Variants in DPYD observed in about 807,000 individuals in gnomAD.
The protein encoded by DPYD is dihydropyrimidine dehydrogenase [NADP(+)].
In DPYD, 109 loss-of-function variants were observed where a neutral mutation model predicts 116.2. The observed-to-expected ratio is 0.94, with a 90% CI of 0.80 to 1.10. DPYD has a LOEUF of 1.10. DPYD is among the 50% of genes least tolerant of loss of function. The pLI is 0.00. For missense variants in DPYD, 1,302 were observed against 1,254.5 expected (o/e 1.04, Z -0.57); for synonymous variants, 440 against 432.0 (o/e 1.02, Z -0.23).
chr1:97,126,509 C>G (rs1156573405), intron 20 of DPYD, among the ~76,000 whole-genome samples: 2 of 152,044 alleles, frequency 1.3e-5, no homozygotes, highest in African/African-American at 2.4e-5. Context: ...GTCTCATATA[C>G]CCTTCCTCCA....
At chr1:97,693,305 AAAAAAAAAAAAACC>A (rs1250679334) in intron 6 of DPYD, among the ~76,000 whole-genome samples, 1,336 of 115,190 alleles carry the variant, frequency 0.012, 44 homozygotes, top group African/African-American at 0.032. Context: ...AAAAAAAAAA[AAAAAAAAAAAAACC>A]AAAAAAGAAA....
rs186692624 is a variant in DPYD at position 97,781,059 on chromosome 1, A to G, written c.234-40580T>C. Reference sequence around the variant, plus strand: ...GTTAATGGGGCAATCTGCTTGGAGCACACAGCCACAGAAAACCAAGAAAAC... The same window carrying G: ...GTTAATGGGGCAATCTGCTTGGAGCGCACAGCCACAGAAAACCAAGAAAAC... On this transcript the variant is annotated intron_variant, in intron 3 of 22. Coordinates refer to ENST00000370192, the MANE Select transcript of DPYD (RefSeq NM_000110.4). 1.0e-3 allele frequency among the ~76,000 whole-genome samples: 158 copies of G among 152,324 alleles called. 1 individual carries two copies. Among genetic ancestry groups the G allele is most frequent in the African/African-American group, 3.5e-3 (147 of 41,574 alleles).
At chr1:97,229,250 A>T (rs1458380122) in intron 19 of DPYD, among the ~76,000 whole-genome samples, 2 of 145,392 alleles carry the variant, frequency 1.4e-5, no homozygotes, top group East Asian at 2.0e-4. Context: ...ATGGGAAGTA[A>T]AAAAAAAAAA....
At chr1:97,342,754 G>A (rs968986165) in intron 16 of DPYD, among the ~76,000 whole-genome samples, 10 of 152,070 alleles carry the variant, frequency 6.6e-5, no homozygotes, top group African/African-American at 2.4e-4. Context: ...TCGTGGTAAG[G>A]GTGCTGTCAG....
intron 3 of DPYD, among the ~76,000 whole-genome samples, chr1:97,792,865 C>T (rs1667389621): frequency 1.3e-5 from 2 of 152,072 alleles, no homozygotes; most frequent in African/African-American, 2.4e-5. Context: ...TCATCAAAAA[C>T]AGGGTAAGTT....
chr1:97,331,350 T>C (rs1346551686), intron 16 of DPYD, among the ~76,000 whole-genome samples: 2 of 152,118 alleles, frequency 1.3e-5, no homozygotes, highest in Admixed American at 6.6e-5. Context: ...TGGTGGTGTG[T>C]GACTGTAGTC....
intron 8 of DPYD, among the ~76,000 whole-genome samples, chr1:97,671,875 TTTC>T (rs1233050675): frequency 2.0e-5 from 3 of 150,124 alleles, no homozygotes; most frequent in Admixed American, 2.0e-4. Context: ...AGAATAAACT[TTTC>T]TTTTCTTTTC....
chr1:97,311,006 C>T (rs996182416), intron 16 of DPYD, among the ~76,000 whole-genome samples: 3 of 151,586 alleles, frequency 2.0e-5, no homozygotes, highest in South Asian at 2.1e-4. Context: ...TATATGCATA[C>T]ATTTATTAAA....
At chr1:97,820,980 G>A (rs555745400) in intron 3 of DPYD, among the ~76,000 whole-genome samples, 7 of 151,762 alleles carry the variant, frequency 4.6e-5, no homozygotes, top group East Asian at 1.9e-4. Flanking sequence ...AGAATCTGAC[G>A]TCACCTTTTC....
intron 13 of DPYD, among the ~76,000 whole-genome samples, chr1:97,482,121 G>C (rs1678353079): frequency 6.6e-6 from 1 of 152,168 alleles, no homozygotes; most frequent in African/African-American, 2.4e-5. Context: ...AACAAGCGTA[G>C]TGCTGGTATT....
At chr1:97,123,462 C>A (rs1250736305) in intron 20 of DPYD, among the ~76,000 whole-genome samples, 1 of 151,930 alleles carries the variant, frequency 6.6e-6, no homozygotes, top group African/African-American at 2.4e-5. Context: ...AAATATAGTA[C>A]CTTCAATAGC....
intron 16 of DPYD, among the ~76,000 whole-genome samples, chr1:97,329,824 C>A (rs957665202): frequency 1.4e-5 from 2 of 145,786 alleles, no homozygotes; most frequent in Non-Finnish European, 3.0e-5. Context: ...AATGTCTTAC[C>A]CTATGTTTGA....
chr1:97,655,576 C>T (rs938237927), intron 8 of DPYD, among the ~76,000 whole-genome samples: 1 of 152,130 alleles, frequency 6.6e-6, no homozygotes, highest in Admixed American at 6.6e-5. Flanking sequence ...AAGTTGATTT[C>T]TAAAATTCAG....
chr1:97,720,025 T>C (rs1194470565), intron 5 of DPYD: 1 of 984,928 alleles, frequency 1.0e-6, no homozygotes, highest in Non-Finnish European at 1.2e-6. Flanking sequence ...AAATAGACTC[T>C]GCTCTGGGAA....
At chr1:97,144,867 A>G (rs1654498398) in intron 20 of DPYD, among the ~76,000 whole-genome samples, 1 of 152,224 alleles carries the variant, frequency 6.6e-6, no homozygotes, top group Non-Finnish European at 1.5e-5. Context: ...TGCACACAGA[A>G]CTGCCAAAAT....
intron 12 of DPYD, among the ~76,000 whole-genome samples, chr1:97,520,480 A>T (rs548820179): frequency 6.6e-6 from 1 of 152,142 alleles, no homozygotes; most frequent in Admixed American, 6.6e-5. Context: ...TTACTATTCC[A>T]CAATTTTACT....
intron 16 of DPYD, among the ~76,000 whole-genome samples, chr1:97,370,533 A>G (rs944662918): frequency 3.3e-5 from 5 of 152,170 alleles, no homozygotes; most frequent in Non-Finnish European, 5.9e-5. Flanking sequence ...ATATATACCT[A>G]TGTAACAAAC....
chr1:97,283,094 T>C (rs1029625180), intron 18 of DPYD, among the ~76,000 whole-genome samples: 2 of 152,170 alleles, frequency 1.3e-5, no homozygotes, highest in Non-Finnish European at 2.9e-5. Flanking sequence ...TTTTTCTTTT[T>C]TAATAGTTTA....
chr1:97,617,325 T>A (rs1242487700), intron 8 of DPYD, among the ~76,000 whole-genome samples: 1 of 152,172 alleles, frequency 6.6e-6, no homozygotes, highest in Non-Finnish European at 1.5e-5. Flanking sequence ...GGTAATTGGC[T>A]AGGGACTACT....
Sources: allele counts gnomAD v4.1 joint callset (sites outside exome capture counted in the v4.1 genomes callset), GRCh38; gene constraint gnomAD v4.1.1; transcripts MANE v1.5; gene names NCBI Gene and HGNC (gene_info 2026-07-23, HGNC 2026-07-21).